SLC22A15: variants seen among roughly 807,000 people sequenced by gnomAD.
SLC22A15 encodes the protein solute carrier family 22 member 15.
In SLC22A15, 45 loss-of-function variants were observed where a neutral mutation model predicts 62.7. That is an observed-to-expected ratio of 0.72 (90% CI 0.56 to 0.92). The LOEUF is 0.92. Among genes scored for constraint, SLC22A15 ranks in the 40% least tolerant of loss-of-function variants. SLC22A15 has a pLI of 0.00. For synonymous variants in SLC22A15, 264 were observed against 267.0 expected (o/e 0.99, Z 0.11); for missense variants, 622 against 665.6 (o/e 0.93, Z 0.72).
intron 6 of SLC22A15, among the ~76,000 whole-genome samples, chr1:116,033,791 T>C (rs1348018478): frequency 6.6e-6 from 1 of 152,202 alleles, no homozygotes; most frequent in East Asian, 1.9e-4. Context: ...GACAATGCAG[T>C]GTCACCTTGC....
intron 1 of SLC22A15, among the ~76,000 whole-genome samples, chr1:115,991,599 G>A (rs568605670): frequency 2.6e-5 from 4 of 152,256 alleles, no homozygotes; most frequent in Non-Finnish European, 5.9e-5. Context: ...ATGAATCCAA[G>A]GTCAAGATGC....
chr1:116,003,894 C>T (rs1175774003), intron 2 of SLC22A15, among the ~76,000 whole-genome samples: 3 of 152,152 alleles, frequency 2.0e-5, no homozygotes, highest in Non-Finnish European at 4.4e-5. Context: ...TAGAAATTGA[C>T]CCTTCTATTC....
chr1:116,037,553 A>G (rs1023501889), intron 8 of SLC22A15, 165 bp downstream of exon 8: 3 of 604,920 alleles, frequency 5.0e-6, no homozygotes, highest in South Asian at 2.0e-5. Context: ...TGCTTCAGCT[A>G]TTCTCTGGGT....
intron 5 of SLC22A15, 161 bp downstream of exon 5, chr1:116,027,183 G>C: frequency 1.4e-6 from 1 of 696,370 alleles, no homozygotes; most frequent in Non-Finnish European, 2.6e-6. Flanking sequence ...GGCAGCTCCT[G>C]GGAAGAGAGA....
At chr1:116,037,832 C>T (rs1657673856) in intron 8 of SLC22A15, among the ~76,000 whole-genome samples, 1 of 152,160 alleles carries the variant, frequency 6.6e-6, no homozygotes, top group South Asian at 2.1e-4. Context: ...GGAACTCCGA[C>T]AACAAGAATA....
intron 2 of SLC22A15, among the ~76,000 whole-genome samples, chr1:116,005,818 A>G (rs1407305710): frequency 3.3e-5 from 5 of 152,122 alleles, no homozygotes; most frequent in African/African-American, 9.7e-5. Context: ...TTATCTCACA[A>G]ATTCCTGCAA....
chr1:115,987,391 C>G (rs1431791249), intron 1 of SLC22A15, among the ~76,000 whole-genome samples: 1 of 152,042 alleles, frequency 6.6e-6, no homozygotes, highest in Non-Finnish European at 1.5e-5. Context: ...GTCTCGATCT[C>G]CTGACCTTGT....
At chr1:116,065,679 C>G (rs1167318747) in intron 10 of SLC22A15, among the ~76,000 whole-genome samples, 1 of 152,040 alleles carries the variant, frequency 6.6e-6, no homozygotes, top group Admixed American at 6.6e-5. Flanking sequence ...ACCTCCTTCT[C>G]CATCATCTCT....
At chr1:116,020,398 A>G (rs1656764321) in intron 3 of SLC22A15, among the ~76,000 whole-genome samples, 1 of 151,502 alleles carries the variant, frequency 6.6e-6, no homozygotes, top group South Asian at 2.1e-4. Flanking sequence ...TAAAAAATAC[A>G]AAAAAAATTT....
chr1:116,053,493 C>T (rs1658117588), intron 8 of SLC22A15, among the ~76,000 whole-genome samples: 1 of 152,124 alleles, frequency 6.6e-6, no homozygotes, highest in African/African-American at 2.4e-5. Flanking sequence ...GGATATTATC[C>T]AGGAGAACTT....
At chr1:116,026,550 G>A (rs560943352) in intron 4 of SLC22A15, among the ~76,000 whole-genome samples, 22 of 152,272 alleles carry the variant, frequency 1.4e-4, no homozygotes, top group Non-Finnish European at 3.1e-4. Context: ...TACCCATATG[G>A]CAAAAATATT....
intron 8 of SLC22A15, among the ~76,000 whole-genome samples, chr1:116,049,115 T>G (rs1657994592): frequency 6.6e-6 from 1 of 152,118 alleles, no homozygotes; most frequent in East Asian, 1.9e-4. Context: ...TACTAATAGA[T>G]CTAGGAAATG....
chr1:116,023,176 A>C (rs1027872309), intron 4 of SLC22A15, among the ~76,000 whole-genome samples: 3 of 152,248 alleles, frequency 2.0e-5, no homozygotes, highest in Non-Finnish European at 4.4e-5. Context: ...TGTAAAAAAC[A>C]ATATGTAAAC....
intron 1 of SLC22A15, among the ~76,000 whole-genome samples, chr1:115,983,710 A>G (rs1654721018): frequency 6.6e-6 from 1 of 152,166 alleles, no homozygotes; most frequent in African/African-American, 2.4e-5. Context: ...GCCTTTCATC[A>G]TAGAATTAAA....
intron 8 of SLC22A15, among the ~76,000 whole-genome samples, chr1:116,054,075 G>A (rs1412874930): frequency 6.6e-6 from 1 of 151,790 alleles, no homozygotes; most frequent in Non-Finnish European, 1.5e-5. Flanking sequence ...AAATGTAAAT[G>A]GACTAAATGC....
chr1:116,029,919 G>A (rs965177736), intron 5 of SLC22A15, among the ~76,000 whole-genome samples: 2 of 151,996 alleles, frequency 1.3e-5, no homozygotes, highest in South Asian at 2.1e-4. Context: ...ATTTATCACA[G>A]TAGTCCTCTT....
At chr1:115,994,225 A>C (rs2101104563) in intron 2 of SLC22A15, among the ~76,000 whole-genome samples, 1 of 152,208 alleles carries the variant, frequency 6.6e-6, no homozygotes, top group East Asian at 1.9e-4. Flanking sequence ...TACCACTCCT[A>C]ACCTATGAAA....
chr1:116,019,519 C>T (rs769199810), intron 2 of SLC22A15, 63 bp from the exon 3 acceptor site: 6 of 1,493,584 alleles, frequency 4.0e-6, no homozygotes, highest in Non-Finnish European at 5.4e-6. Flanking sequence ...TTTTGTTGCA[C>T]ATTTGGTTTT....
At chr1:116,044,375 G>A (rs1657873956) in intron 8 of SLC22A15, among the ~76,000 whole-genome samples, 2 of 152,170 alleles carry the variant, frequency 1.3e-5, no homozygotes, top group South Asian at 2.1e-4. Flanking sequence ...CGAGGCAGGC[G>A]GTCAGGAATT....
Sources: allele counts gnomAD v4.1 joint callset (sites outside exome capture counted in the v4.1 genomes callset), GRCh38; gene constraint gnomAD v4.1.1; transcripts MANE v1.5; gene names NCBI Gene and HGNC (gene_info 2026-07-23, HGNC 2026-07-21).